Variants in PIN4 observed in about 807,000 individuals in gnomAD.
PIN4 encodes the protein peptidylprolyl cis/trans isomerase, NIMA-interacting 4.
Under a neutral mutation model 8.3 loss-of-function variants are expected in PIN4, and 3 were observed. That is an observed-to-expected ratio of 0.36 (90% CI 0.16 to 0.93). The LOEUF (loss-of-function observed/expected upper bound fraction) is 0.93. Among genes scored for constraint, PIN4 ranks in the 40% least tolerant of loss-of-function variants. The pLI, the probability that PIN4 is intolerant of heterozygous loss-of-function variation, is 0.44. For missense variants in PIN4, 75 were observed against 100.6 expected, an observed-to-expected ratio of 0.75 and a Z score of 1.09; for synonymous variants, 18 against 32.5, an observed-to-expected ratio of 0.55 and a Z score of 1.52.
chrX:72,187,348 G>T (rs941840324), intron 2 of PIN4, among the ~76,000 whole-genome samples: 3 of 112,071 alleles, frequency 2.7e-5, no homozygotes, highest in African/African-American at 9.7e-5. Flanking sequence ...CTGCAAACTA[G>T]TAAGTGCTAT....
chrX:72,239,720 C>T (rs1458754115), intron 3 of PIN4, among the ~76,000 whole-genome samples: 1 of 95,143 alleles, frequency 1.1e-5, no homozygotes, highest in Non-Finnish European at 2.0e-5. Flanking sequence ...TGCAGTGAGC[C>T]GGGATTGCAC....
chrX:72,197,896 T>C lies in PIN4; in HGVS notation c.*370T>C. The C allele has an allele frequency of 1.3e-6, 1 of 757,405 alleles. No homozygotes were observed. Among genetic ancestry groups the C allele is most frequent in the Non-Finnish European group, 1.6e-6 (1 of 637,425 alleles). 62.4% of individuals were successfully genotyped at this position (757,405 alleles called of 1,213,427 possible). ...CACACTATTCACACAACTGAAAATA[T>C]TGGGCATCAAATAGATTAGTGTGTG... On this transcript the variant is annotated 3_prime_UTR_variant, in exon 4 of 4. Coordinates refer to ENST00000373669, the MANE Select transcript of PIN4 (RefSeq NM_006223.4).
intron 3 of PIN4, among the ~76,000 whole-genome samples, chrX:72,229,673 T>A (rs1288642320): frequency 9.0e-6 from 1 of 111,535 alleles, no homozygotes; most frequent in Non-Finnish European, 1.9e-5. Flanking sequence ...TTTATCTATC[T>A]CCCTCCATTG....
intron 3 of PIN4, chrX:72,238,953 A>C (rs774646554): frequency 1.0e-6 from 1 of 958,220 alleles, no homozygotes; most frequent in African/African-American, 2.0e-5. Context: ...GGGAGTTTGG[A>C]GCTTGGAGCT....
intron 3 of PIN4, among the ~76,000 whole-genome samples, chrX:72,229,956 G>C (rs2042974065): frequency 1.8e-5 from 2 of 111,108 alleles, no homozygotes; most frequent in South Asian, 3.8e-4. Flanking sequence ...ACTTTGGGAG[G>C]CCGAGGCAGG....
intron 3 of PIN4, among the ~76,000 whole-genome samples, chrX:72,257,996 G>A (rs892740842): frequency 4.5e-5 from 5 of 111,495 alleles, no homozygotes; most frequent in African/African-American, 1.6e-4. Flanking sequence ...AGGATGAGTG[G>A]GGCTCTGTTA....
chrX:72,239,163 A>T, intron 3 of PIN4: 1 of 381,284 alleles, frequency 2.6e-6, no homozygotes, highest in South Asian at 4.1e-5. Flanking sequence ...GCCGGGAAGC[A>T]GAAGGTGATC....
chrX:72,199,903 C>T (rs934797044), downstream of PIN4, among the ~76,000 whole-genome samples: 17 of 112,136 alleles, frequency 1.5e-4, no homozygotes, highest in Admixed American at 1.6e-3. Context: ...GCGCGGCTGA[C>T]GCCTGTAATC....
intron 2 of PIN4, among the ~76,000 whole-genome samples, chrX:72,193,780 C>T (rs1181087386): frequency 9.3e-6 from 1 of 107,056 alleles, no homozygotes; most frequent in Non-Finnish European, 1.9e-5. Context: ...CTGAGAGACA[C>T]AAGAATCGCT....
chrX:72,241,211 T>A (rs2984355), intron 3 of PIN4, among the ~76,000 whole-genome samples: 44,893 of 110,603 alleles, frequency 0.41, 8,044 homozygotes, highest in East Asian at 0.98. Flanking sequence ...TTCAAAATTC[T>A]TGTGTTGAAA....
At chrX:72,190,063 G>A (rs2042723782) in intron 2 of PIN4, among the ~76,000 whole-genome samples, 1 of 110,398 alleles carries the variant, frequency 9.1e-6, no homozygotes, top group East Asian at 2.8e-4. Flanking sequence ...CGCCAATCCT[G>A]TTCCTCTGTT....
rs1291112739 is a variant in PIN4, at chrX:72,197,498, ATAT to A, written c.375_377del (p.Ile125del). The A allele has an allele frequency of 8.3e-7, 1 of 1,202,940 alleles. No individual in the cohort carries two copies. Among genetic ancestry groups the A allele is most frequent in the East Asian group, 3.0e-5 (1 of 33,775 alleles). Reference sequence around the variant, plus strand: ...CCGGTTAAGACAAAATTTGGATATCATATTATTATGGTCGAAGGAAGAAAATAA... The same window carrying A: ...CCGGTTAAGACAAAATTTGGATATCATATTATGGTCGAAGGAAGAAAATAA... On this transcript the variant is annotated inframe_deletion, in exon 4 of 4. Transcript: ENST00000373669.
chrX:72,208,133 G>A (rs1250808056), intron 3 of PIN4: 1 of 1,211,529 alleles, frequency 8.3e-7, no homozygotes, highest in Non-Finnish European at 1.1e-6. Context: ...AAGCTTGAAA[G>A]TTGCTGCCAG....
chrX:72,203,278 A>G (rs764160705), downstream of PIN4, among the ~76,000 whole-genome samples: 50 of 111,961 alleles, frequency 4.5e-4, no homozygotes, highest in African/African-American at 1.5e-3. Context: ...CCTGAGTTGT[A>G]GTCTTTATAA....
chrX:72,214,188 G>T, intron 3 of PIN4, among the ~76,000 whole-genome samples: 1 of 111,905 alleles, frequency 8.9e-6, no homozygotes, highest in Non-Finnish European at 1.9e-5. Context: ...CACTTTCAGG[G>T]ATGGTCATTT....
intron 3 of PIN4, among the ~76,000 whole-genome samples, chrX:72,254,510 C>T (rs1305437592): frequency 8.9e-6 from 1 of 112,398 alleles, no homozygotes; most frequent in Admixed American, 9.4e-5. Flanking sequence ...AAGCCGCAAT[C>T]GTCCTAGCAC....
At chrX:72,219,847 CAAAA>C (rs55860938) in intron 3 of PIN4, among the ~76,000 whole-genome samples, 2 of 64,982 alleles carry the variant, frequency 3.1e-5, no homozygotes, top group Non-Finnish European at 3.1e-5. Context: ...GACTCCGTCT[CAAAA>C]AAAAAAAAAA....
At chrX:72,214,880 A>C (rs2042879029) in intron 3 of PIN4, among the ~76,000 whole-genome samples, 2 of 108,745 alleles carry the variant, frequency 1.8e-5, no homozygotes, top group Non-Finnish European at 3.8e-5. Context: ...CTAGCTACTT[A>C]GGAGGCTGAG....
At chrX:72,235,389 C>CTTT (rs144267277) in intron 3 of PIN4, among the ~76,000 whole-genome samples, 27 of 68,515 alleles carry the variant, frequency 3.9e-4, no homozygotes, top group African/African-American at 1.2e-3. Flanking sequence ...CCCTCTTCCA[C>CTTT]TTTTTTTTTT....
Sources: allele counts gnomAD v4.1 joint callset (sites outside exome capture counted in the v4.1 genomes callset), GRCh38; gene constraint gnomAD v4.1.1; transcripts MANE v1.5; gene names NCBI Gene and HGNC (gene_info 2026-07-23, HGNC 2026-07-21).